MAP2K6: variants seen among roughly 807,000 people sequenced by gnomAD.
The protein encoded by MAP2K6 is dual specificity mitogen-activated protein kinase kinase 6.
Under a neutral mutation model 53.7 loss-of-function variants are expected in MAP2K6, and 16 were observed. The ratio of observed to expected loss-of-function variants is 0.30; its 90% CI spans 0.20 to 0.45. MAP2K6 has a LOEUF of 0.45. MAP2K6 is among the 20% of genes least tolerant of loss of function. The pLI is 1.00. For synonymous variants in MAP2K6, 132 were observed against 143.1 expected, an observed-to-expected ratio of 0.92 and a Z score of 0.55; for missense variants, 204 against 411.9, an observed-to-expected ratio of 0.50 and a Z score of 4.37.
chr17:69,430,464 C>A (rs1355786346), intron 1 of MAP2K6, among the ~76,000 whole-genome samples: 3 of 152,210 alleles, frequency 2.0e-5, no homozygotes, highest in African/African-American at 7.2e-5. Flanking sequence ...CATATTAGTT[C>A]TGCCTGAAAG....
chr17:69,431,788 T>C (rs1906469628), intron 1 of MAP2K6, among the ~76,000 whole-genome samples: 1 of 152,238 alleles, frequency 6.6e-6, no homozygotes. Context: ...AACATGCACA[T>C]AGTTTAAAAG....
chr17:69,546,001 C>G lies in MAP2K6; in HGVS notation c.*4248C>G, dbSNP rs969397076. ...TGTCAGTGCACTCCAGCCTGGGCAACAAGAGCAAAACTTCATCTCAAAAAA... is the reference window on the plus strand; with the variant it reads ...TGTCAGTGCACTCCAGCCTGGGCAAGAAGAGCAAAACTTCATCTCAAAAAA... On this transcript the variant is annotated 3_prime_UTR_variant, in exon 12 of 12. Coordinates refer to ENST00000590474, the MANE Select transcript of MAP2K6 (RefSeq NM_002758.4). 1 of 128,316 alleles carries G rather than the reference C, an allele frequency of 7.8e-6. No homozygotes were observed. The highest frequency in any genetic ancestry group is 3.0e-5 in the African/African-American group (1 of 33,038). 7.9% of individuals were successfully genotyped at this position (128,316 alleles called of 1,614,324 possible).
chr17:69,439,293 G>C (rs1315338508), intron 1 of MAP2K6, among the ~76,000 whole-genome samples: 2 of 152,128 alleles, frequency 1.3e-5, no homozygotes, highest in Non-Finnish European at 2.9e-5. Flanking sequence ...TTCTTAAAAA[G>C]ATTGAGTCTA....
intron 10 of MAP2K6, among the ~76,000 whole-genome samples, chr17:69,527,887 G>A (rs1477401334): frequency 1.3e-5 from 2 of 152,152 alleles, no homozygotes; most frequent in African/African-American, 2.4e-5. Flanking sequence ...AGGCCAAGGC[G>A]AGTGGATCAC....
intron 5 of MAP2K6, 130 bp downstream of exon 5, chr17:69,519,562 T>C: frequency 9.2e-7 from 1 of 1,081,584 alleles, no homozygotes; most frequent in Non-Finnish European, 1.4e-6. Context: ...GGGGTTTACG[T>C]GTGTGCAATG....
chr17:69,471,585 A>T (rs1458538719), intron 1 of MAP2K6, among the ~76,000 whole-genome samples: 1 of 152,242 alleles, frequency 6.6e-6, no homozygotes, highest in African/African-American at 2.4e-5. Flanking sequence ...TATTCGGGTG[A>T]TGGGTACACT....
At chr17:69,452,402 A>C (rs2145160589) in intron 1 of MAP2K6, among the ~76,000 whole-genome samples, 1 of 152,244 alleles carries the variant, frequency 6.6e-6, no homozygotes, top group African/African-American at 2.4e-5. Flanking sequence ...CTGAGTATTG[A>C]ATCCACAATT....
At chr17:69,532,303 C>T (rs1026212636) in intron 10 of MAP2K6, among the ~76,000 whole-genome samples, 3 of 152,160 alleles carry the variant, frequency 2.0e-5, no homozygotes, top group African/African-American at 7.2e-5. Flanking sequence ...CCAAATAGCC[C>T]TTCTTGGAAA....
intron 1 of MAP2K6, among the ~76,000 whole-genome samples, chr17:69,422,609 C>T (rs1185387459): frequency 6.6e-6 from 1 of 152,214 alleles, no homozygotes; most frequent in African/African-American, 2.4e-5. Context: ...CACAACCCCT[C>T]CCTGTACCAC....
intron 1 of MAP2K6, among the ~76,000 whole-genome samples, chr17:69,449,565 C>A (rs200335752): frequency 0.033 from 3,084 of 93,858 alleles, 45 homozygotes; most frequent in Non-Finnish European, 0.047. Context: ...TTCTTTATTT[C>A]TTTCTTTCTT....
chr17:69,504,312 G>T (rs2097421429), intron 1 of MAP2K6: 1 of 150,990 alleles, frequency 6.6e-6, no homozygotes, highest in African/African-American at 2.5e-5. Flanking sequence ...GTCTTGCACT[G>T]TCGCCCAGGC....
At chr17:69,456,784 C>T (rs1206789593) in intron 1 of MAP2K6, among the ~76,000 whole-genome samples, 1 of 152,164 alleles carries the variant, frequency 6.6e-6, no homozygotes, top group Admixed American at 6.5e-5. Context: ...ACTCTTACCC[C>T]ACCTGCCCTT....
At chr17:69,427,061 T>A (rs927529633) in intron 1 of MAP2K6, among the ~76,000 whole-genome samples, 4 of 152,234 alleles carry the variant, frequency 2.6e-5, no homozygotes, top group Admixed American at 2.0e-4. Flanking sequence ...TGTAATTATA[T>A]AAGCAAGCTG....
chr17:69,528,187 T>C (rs1464310968), intron 10 of MAP2K6, among the ~76,000 whole-genome samples: 1 of 151,524 alleles, frequency 6.6e-6, no homozygotes, highest in South Asian at 2.1e-4. Context: ...CAACTGTCTG[T>C]TGCTTGTGAA....
In MAP2K6 at chr17:69,541,769, A is replaced by C. The variant is rs766346334; in HGVS notation, c.*16A>C. 6.2e-7 allele frequency: 1 copy of C among 1,604,170 alleles called. No individual in the cohort carries two copies. The highest frequency in any genetic ancestry group is 2.2e-5 in the East Asian group (1 of 44,674). On this transcript the variant is annotated 3_prime_UTR_variant, in exon 12 of 12. Coordinates refer to ENST00000590474, the MANE Select transcript of MAP2K6 (RefSeq NM_002758.4). Reference sequence around the variant, plus strand: ...TGGAGACTAAAAAGCAGTGGACTTAATCGGTTGACCCTACTGTGGATTGGT... The same window carrying C: ...TGGAGACTAAAAAGCAGTGGACTTACTCGGTTGACCCTACTGTGGATTGGT...
chr17:69,519,506 C>G lies in MAP2K6; in HGVS notation c.366+74C>G, dbSNP rs752667350. ...GAAGTTTCTTTGATCACGTAAATGC[C>G]TTCACAATCATGGAGCTCTTTCTTG... On this transcript the variant is annotated intron_variant, in intron 5 of 11. Transcript: ENST00000590474. 1.9e-6 allele frequency: 3 copies of G among 1,572,552 alleles called. No homozygotes were observed. The South Asian group carries it at 3.4e-5, about 18-fold the overall frequency.
intron 1 of MAP2K6, among the ~76,000 whole-genome samples, chr17:69,422,972 C>T (rs760782908): frequency 2.0e-5 from 3 of 152,122 alleles, no homozygotes; most frequent in Non-Finnish European, 4.4e-5. Flanking sequence ...CAATCGCCAC[C>T]TCCTGGGTTC....
intron 10 of MAP2K6, among the ~76,000 whole-genome samples, chr17:69,530,218 G>C (rs1019472379): frequency 2.0e-5 from 3 of 152,158 alleles, no homozygotes; most frequent in Non-Finnish European, 4.4e-5. Context: ...GGAAGGCCAA[G>C]GTGGGAGGAT....
intron 1 of MAP2K6, among the ~76,000 whole-genome samples, chr17:69,423,047 C>G (rs1372491753): frequency 2.6e-5 from 4 of 152,116 alleles, no homozygotes; most frequent in African/African-American, 9.7e-5. Flanking sequence ...CCACGCCCAG[C>G]TAATTTTTTG....
Sources: gnomAD v4.1 joint callset for allele counts (sites outside exome capture counted in the v4.1 genomes callset) on GRCh38, gnomAD v4.1.1 for gene constraint, MANE v1.5 for transcripts, NCBI Gene and HGNC (gene_info 2026-07-23, HGNC 2026-07-21) for gene names.